Variants in KIAA1328 observed in about 807,000 individuals in gnomAD.
KIAA1328 encodes the protein protein hinderin.
A neutral mutation model predicts 68.1 loss-of-function variants in KIAA1328; 52 were observed. The ratio of observed to expected loss-of-function variants is 0.76; its 90% CI spans 0.61 to 0.96. The LOEUF (loss-of-function observed/expected upper bound fraction) is 0.96, where lower values mean the gene tolerates loss of function less well. Among genes scored for constraint, KIAA1328 ranks in the 40% least tolerant of loss-of-function variants. The probability of loss-of-function intolerance (pLI) is 0.00; values close to 1 mark genes in which losing one functional copy is unlikely to be tolerated. For missense variants in KIAA1328, 641 were observed against 677.6 expected (o/e 0.95, Z 0.60); for synonymous variants, 232 against 239.4 (o/e 0.97, Z 0.28).
intron 5 of KIAA1328, among the ~76,000 whole-genome samples, chr18:36,912,789 A>C (rs1320910771): frequency 6.6e-6 from 1 of 152,206 alleles, no homozygotes; most frequent in Non-Finnish European, 1.5e-5. Flanking sequence ...GGCATGGGTG[A>C]GAGTCTGAGA....
At chr18:37,124,489 C>T (rs1257448452) in intron 7 of KIAA1328, among the ~76,000 whole-genome samples, 1 of 152,062 alleles carries the variant, frequency 6.6e-6, no homozygotes, top group Non-Finnish European at 1.5e-5. Flanking sequence ...TTTCCTGTTT[C>T]TACTTGTAAC....
At chr18:37,096,732 C>T (rs2057420797) in intron 7 of KIAA1328, among the ~76,000 whole-genome samples, 1 of 152,152 alleles carries the variant, frequency 6.6e-6, no homozygotes, top group Non-Finnish European at 1.5e-5. Context: ...CTCTCCAGCA[C>T]CTGTTGTTTC....
At chr18:36,968,940 C>G (rs1190364716) in intron 6 of KIAA1328, among the ~76,000 whole-genome samples, 1 of 152,176 alleles carries the variant, frequency 6.6e-6, no homozygotes, top group Non-Finnish European at 1.5e-5. Flanking sequence ...TAGCTACTCT[C>G]TCAGACCACA....
Position 36,911,412 on chromosome 18 carries a change from A to C in KIAA1328, c.448+25740A>C, listed in dbSNP as rs2049443337. Among the ~76,000 whole-genome samples the C allele has an allele frequency of 2.0e-5, 3 of 152,298 alleles. No homozygotes were observed. The South Asian group carries it at 6.2e-4, about 32-fold the overall frequency. On this transcript the variant is annotated intron_variant, in intron 5 of 9. Coordinates refer to ENST00000280020, the MANE Select transcript of KIAA1328 (RefSeq NM_020776.3). ...AAAATACTTAGCTTTCCGAGGCAGG[A>C]GAGAATACTAATGAGTGTTTAAATA...
At chr18:36,956,545 G>GGT (rs2051426329) in intron 5 of KIAA1328, among the ~76,000 whole-genome samples, 2 of 147,056 alleles carry the variant, frequency 1.4e-5, no homozygotes, top group African/African-American at 2.5e-5. Context: ...GAAGGAAGTG[G>GGT]GGGGGGGGTG....
intron 4 of KIAA1328, among the ~76,000 whole-genome samples, chr18:36,885,291 C>T (rs968059859): frequency 6.6e-6 from 1 of 152,100 alleles, no homozygotes; most frequent in East Asian, 1.9e-4. Flanking sequence ...CACCTGCATC[C>T]TTTGTAGGAC....
rs554560213 is a variant in KIAA1328, at chr18:36,981,016, C to T, written c.576+21581C>T. Among the ~76,000 whole-genome samples the T allele has an allele frequency of 1.9e-4, 29 of 152,210 alleles. No individual in the cohort carries two copies. In the East Asian group the frequency reaches 5.4e-3, roughly 28 times the overall value. The stretch of plus-strand genomic sequence containing the variant: ...AGCAGCATGAAAACAGACTAATACA[C>T]CAACTAACAAGGAAAACTTAATTGG... On this transcript the variant is annotated intron_variant, in intron 6 of 9. Transcript: ENST00000280020.
At chr18:37,229,688 C>T, downstream of KIAA1328, 2 of 437,314 alleles carry the variant, frequency 4.6e-6, no homozygotes, top group Non-Finnish European at 4.0e-6. Context: ...TCCTGGCTAA[C>T]ACGGTGAAAC....
chr18:37,153,857 T>TA lies in KIAA1328; in HGVS notation c.1233-6324dup, dbSNP rs199551458. 7.9e-3 allele frequency among the ~76,000 whole-genome samples: 782 copies of TA among 98,592 alleles called. 1 individual carries two copies. The highest frequency in any genetic ancestry group is 0.01 in the Admixed American group (109 of 10,390). The allele number at this position is 98,592 out of a possible 152,430, so 64.7% of individuals were successfully genotyped here. ...AATCAAGGACTTGTTCTTTTTCTTT[T>TA]AAAAAAAAAAAAAAAAAAAGACTCA... is the stretch of plus-strand genomic sequence containing the variant. On this transcript the variant is annotated intron_variant, in intron 7 of 9. Transcript: ENST00000280020.
chr18:37,064,840 A>G (rs934707803), intron 6 of KIAA1328, among the ~76,000 whole-genome samples: 13 of 152,152 alleles, frequency 8.5e-5, no homozygotes, highest in Non-Finnish European at 1.8e-4. Context: ...AAAAAAGGCA[A>G]GGAAGCTGAT....
At chr18:37,085,312 C>T (rs904803231) in intron 7 of KIAA1328, among the ~76,000 whole-genome samples, 1 of 152,114 alleles carries the variant, frequency 6.6e-6, no homozygotes, top group Admixed American at 6.5e-5. Flanking sequence ...CTCTTCCCTG[C>T]CCAAACAGAG....
intron 4 of KIAA1328, among the ~76,000 whole-genome samples, chr18:36,881,845 C>G (rs1188783757): frequency 1.3e-5 from 2 of 152,132 alleles, no homozygotes; most frequent in East Asian, 3.8e-4. Context: ...TTTTGGTTAT[C>G]TATTCATCCA....
intron 6 of KIAA1328, among the ~76,000 whole-genome samples, chr18:37,057,840 G>A (rs995112376): frequency 6.6e-6 from 1 of 152,138 alleles, no homozygotes; most frequent in Non-Finnish European, 1.5e-5. Flanking sequence ...CAAAAGCAGA[G>A]CTGTGCAGCT....
intron 6 of KIAA1328, among the ~76,000 whole-genome samples, chr18:37,019,021 A>G (rs908219546): frequency 6.6e-6 from 1 of 152,294 alleles, no homozygotes; most frequent in Middle Eastern, 3.4e-3. Flanking sequence ...GCCAGAATTC[A>G]TGCTCTGATT....
intron 6 of KIAA1328, among the ~76,000 whole-genome samples, chr18:37,039,243 T>C (rs2055147909): frequency 6.6e-6 from 1 of 152,150 alleles, no homozygotes; most frequent in Non-Finnish European, 1.5e-5. Flanking sequence ...TAACAGTATT[T>C]CCTCCTCTAT....
chr18:36,964,363 A>G (rs2051826527), intron 6 of KIAA1328, among the ~76,000 whole-genome samples: 1 of 152,208 alleles, frequency 6.6e-6, no homozygotes, highest in Non-Finnish European at 1.5e-5. Flanking sequence ...TTTTATGATG[A>G]CGATGGCAGC....
At chr18:37,002,124 A>G (rs1423056763) in intron 6 of KIAA1328, among the ~76,000 whole-genome samples, 2 of 152,152 alleles carry the variant, frequency 1.3e-5, no homozygotes, top group South Asian at 4.1e-4. Flanking sequence ...GACTCCATCA[A>G]AAAAGCTCTT....
chr18:37,069,369 C>T (rs1010139229), intron 7 of KIAA1328, among the ~76,000 whole-genome samples: 2 of 151,616 alleles, frequency 1.3e-5, no homozygotes, highest in Non-Finnish European at 1.5e-5. Flanking sequence ...AAGGGATTCT[C>T]ATGCCTCAGC....
At chr18:37,107,088 A>G (rs544711886) in intron 7 of KIAA1328, among the ~76,000 whole-genome samples, 1 of 152,172 alleles carries the variant, frequency 6.6e-6, no homozygotes, top group Non-Finnish European at 1.5e-5. Context: ...TACTAAAAAT[A>G]CAAAAATACC....
Sources: allele counts gnomAD v4.1 joint callset (sites outside exome capture counted in the v4.1 genomes callset), GRCh38; gene constraint gnomAD v4.1.1; transcripts MANE v1.5; gene names NCBI Gene and HGNC (gene_info 2026-07-23, HGNC 2026-07-21).